The following DYNC2H1 variants were observed in gnomAD, a reference collection of about 807,000 sequenced individuals.
DYNC2H1 encodes cytoplasmic dynein 2 heavy chain 1.
Under a neutral mutation model 570.0 loss-of-function variants are expected in DYNC2H1, and 410 were observed. The ratio of observed to expected loss-of-function variants is 0.72; its 90% CI spans 0.66 to 0.78. The LOEUF (loss-of-function observed/expected upper bound fraction) is 0.78, where lower values mean the gene tolerates loss of function less well. Ranked by LOEUF, DYNC2H1 falls within the 30% of genes least tolerant of loss-of-function variation. The probability of loss-of-function intolerance (pLI) is 0.00; values close to 1 mark genes in which losing one functional copy is unlikely to be tolerated. For synonymous variants in DYNC2H1, 1,688 were observed against 1,677.6 expected (o/e 1.01, Z -0.15); for missense variants, 4,865 against 5,046.4 (o/e 0.96, Z 1.09).
At position 103,203,910 on chromosome 11, in the gene DYNC2H1, C is replaced by A. The variant is rs613978; in HGVS notation, c.8311+134C>A. On this transcript the variant is annotated intron_variant, in intron 51 of 88. Transcript: ENST00000375735. The surrounding 1 kb of genome is among the most constrained non-coding windows in gnomAD (Gnocchi z 4.7). ...TTCTGGAGCTTTTAGAAAGTAACAC[C>A]TAACTAGTGGATAGGCTAACCTATA... 0.92 allele frequency: 562,437 copies of A among 609,906 alleles called. 259,710 individuals carry two copies. The highest frequency in any genetic ancestry group is 0.94 in the Admixed American group (30,250 of 32,094). The allele number at this position is 609,906 out of a possible 1,614,324, so 37.8% of individuals were successfully genotyped here.
rs780557920 is a variant in DYNC2H1 at position 103,303,276 on chromosome 11, T to A, written c.11256+23T>A. 4.4e-6 allele frequency: 7 copies of A among 1,595,194 alleles called. No individual in the cohort carries two copies. In the African/African-American group the frequency reaches 6.7e-5, roughly 15 times the overall value. ...CAGGTAAGTACATATTGTCCCGCTG[T>A]TTTTGTTTTTGCTATTGCTGTTCCC... is the stretch of plus-strand genomic sequence containing the variant. On this transcript the variant is annotated intron_variant, in intron 76 of 88. Transcript: ENST00000375735.
chr11:103,273,083 A>C (rs1377292917), intron 70 of DYNC2H1, among the ~76,000 whole-genome samples: 6 of 151,872 alleles, frequency 4.0e-5, no homozygotes, highest in African/African-American at 1.5e-4. Flanking sequence ...TTTAAAAAAA[A>C]AACTATTCAG....
chr11:103,443,648 T>C (rs1738549156), intron 85 of DYNC2H1, among the ~76,000 whole-genome samples: 1 of 139,444 alleles, frequency 7.2e-6, no homozygotes, highest in Admixed American at 6.9e-5. Flanking sequence ...TCTATGTCAG[T>C]GATTTTGACA....
chr11:103,383,685 AG>A (rs1941761202), intron 83 of DYNC2H1, among the ~76,000 whole-genome samples: 1 of 151,988 alleles, frequency 6.6e-6, no homozygotes, highest in South Asian at 2.1e-4. Flanking sequence ...CATGTTAGCC[AG>A]GATGGTCTCC....
At chr11:103,428,309 G>GGTTC (rs58462895) in intron 84 of DYNC2H1, among the ~76,000 whole-genome samples, 83,596 of 150,954 alleles carry the variant, frequency 0.55, 23,717 homozygotes, top group East Asian at 0.71. Flanking sequence ...ACCTACCATG[G>GGTTC]TCTATATCAT....
intron 85 of DYNC2H1, among the ~76,000 whole-genome samples, chr11:103,440,420 C>G (rs887681276): frequency 5.3e-5 from 8 of 152,242 alleles, no homozygotes; most frequent in Admixed American, 2.6e-4. Flanking sequence ...GACTTGAACT[C>G]CACTCAGTTT....
intron 86 of DYNC2H1, 38 bp from the exon 87 acceptor site, chr11:103,456,237 G>C: frequency 6.6e-7 from 1 of 1,507,078 alleles, no homozygotes; most frequent in Non-Finnish European, 9.1e-7. Flanking sequence ...AATTCCTAAG[G>C]ATTATTGATT....
At chr11:103,236,857 A>G (rs1864244120) in intron 63 of DYNC2H1, among the ~76,000 whole-genome samples, 1 of 151,982 alleles carries the variant, frequency 6.6e-6, no homozygotes, top group Admixed American at 6.6e-5. Context: ...ATGAGTACAG[A>G]CTAGAATATA....
chr11:103,360,945 T>C (rs1191229631), intron 83 of DYNC2H1, among the ~76,000 whole-genome samples: 1 of 152,144 alleles, frequency 6.6e-6, no homozygotes, highest in African/African-American at 2.4e-5. Context: ...ATCCAAGATA[T>C]GAGCAATGAG....
chr11:103,320,375 C>T (rs1938111356), intron 80 of DYNC2H1, among the ~76,000 whole-genome samples: 1 of 152,080 alleles, frequency 6.6e-6, no homozygotes, highest in Non-Finnish European at 1.5e-5. Context: ...GCACTCCAGC[C>T]TGGGTGACAG....
chr11:103,143,544 G>A (rs1180373685), intron 18 of DYNC2H1, 149 bp downstream of exon 18: 2 of 753,146 alleles, frequency 2.7e-6, no homozygotes, highest in Non-Finnish European at 3.8e-6. Flanking sequence ...TCTAGGTAGG[G>A]CATTACAGAT....
At chr11:103,273,627 T>C (rs1461270460) in intron 70 of DYNC2H1, among the ~76,000 whole-genome samples, 1 of 152,240 alleles carries the variant, frequency 6.6e-6, no homozygotes, top group Non-Finnish European at 1.5e-5. Flanking sequence ...TTCTGCTTTA[T>C]AATGTTATTG....
intron 84 of DYNC2H1, among the ~76,000 whole-genome samples, chr11:103,413,258 A>ATTGT (rs1262264576): frequency 3.3e-5 from 5 of 152,144 alleles, no homozygotes; most frequent in African/African-American, 7.2e-5. Context: ...GCCTATTTTT[A>ATTGT]TTGTTTACTT....
At position 103,177,474 on chromosome 11, in the gene DYNC2H1, G is replaced by C; in HGVS notation, c.5875-82G>C. ...AATCAAAGGCTTAATTTACACATTAGAACAAGTGTTACAGAATAAAAGCAG... is the reference window on the plus strand; with the variant it reads ...AATCAAAGGCTTAATTTACACATTACAACAAGTGTTACAGAATAAAAGCAG... On this transcript the variant is annotated intron_variant, in intron 37 of 88. Transcript: ENST00000375735. The surrounding 1 kb of genome is among the most constrained non-coding windows in gnomAD (Gnocchi z 4.4). The C allele has an allele frequency of 7.1e-7, 1 of 1,402,472 alleles. No individual in the cohort carries two copies. Among genetic ancestry groups the C allele is most frequent in the Non-Finnish European group, 9.6e-7 (1 of 1,042,282 alleles). 86.9% of individuals were successfully genotyped at this position (1,402,472 alleles called of 1,614,324 possible). A position where few individuals can be genotyped will look rare whatever the true frequency, so the allele number is the denominator to read the frequency against.
rs371011047 is a variant in DYNC2H1 at position 103,120,982 on chromosome 11, G to T, written c.1306G>T (p.Glu436Ter). Reference sequence around the variant, plus strand: ...GGTAAAGCGTCCAACTATAAGCAAAGAATTGATGTTAGAAAGAGAAACTTT... The same window carrying T: ...GGTAAAGCGTCCAACTATAAGCAAATAATTGATGTTAGAAAGAGAAACTTT... ...ELVKRPTISKELMLERETLLA... is the reference protein window; with the variant it reads ...ELVKRPTISK Residue 436 changes from glutamate (E) to a stop codon, truncating the protein, a stop_gained, in exon 9 of 89, where the codon GAA (glutamate) becomes TAA (stop). Transcript: ENST00000375735. LOFTEE classifies it high-confidence loss of function. The T allele has an allele frequency of 1.0e-5, 16 of 1,589,350 alleles. No individual in the cohort carries two copies. Among genetic ancestry groups the T allele is most frequent in the East Asian group, 2.3e-5 (1 of 43,976 alleles).
rs779027715 is a variant in DYNC2H1 at position 103,261,317 on chromosome 11, C to T, written c.10695+1340C>T. 3.9e-5 allele frequency among the ~76,000 whole-genome samples: 6 copies of T among 152,180 alleles called. No homozygotes were observed. The highest frequency in any genetic ancestry group is 1.9e-4 in the East Asian group (1 of 5,172). ...CACCTGCTGGCTCTGAAGAGAGCAT[C>T]GGATCTCCAACACAGAGCTTGAGCT... On this transcript the variant is annotated intron_variant, in intron 70 of 88. Coordinates refer to ENST00000375735, the MANE Select transcript of DYNC2H1 (RefSeq NM_001377.3). The surrounding 1 kb of genome is among the most constrained non-coding windows in gnomAD (Gnocchi z 4.8).
intron 32 of DYNC2H1, 62 bp downstream of exon 32, chr11:103,169,022 G>T: frequency 7.3e-7 from 1 of 1,374,466 alleles, no homozygotes; most frequent in South Asian, 1.5e-5. Flanking sequence ...AAGAAAATTT[G>T]TTATTGGTAG....
intron 30 of DYNC2H1, among the ~76,000 whole-genome samples, chr11:103,164,610 G>C (rs1861224141): frequency 6.6e-6 from 1 of 152,170 alleles, no homozygotes; most frequent in Non-Finnish European, 1.5e-5. Context: ...GTTATCCTGA[G>C]TAGAACATTT....
rs560971194 is a variant in DYNC2H1 at position 103,348,826 on chromosome 11, G to A, written c.12040-9417G>A. 5.9e-5 allele frequency among the ~76,000 whole-genome samples: 9 copies of A among 152,218 alleles called. No individual in the cohort carries two copies. The East Asian group carries it at 7.7e-4, about 13-fold the overall frequency. The stretch of plus-strand genomic sequence containing the variant: ...TCAAGGGAGGGACCTCATGGGAGGT[G>A]ATTAGATTATGGGAGGCAGTTTCCC... On this transcript the variant is annotated intron_variant, in intron 82 of 88. Coordinates refer to ENST00000375735, the MANE Select transcript of DYNC2H1 (RefSeq NM_001377.3).
Sources: gnomAD v4.1 joint callset for allele counts (sites outside exome capture counted in the v4.1 genomes callset) on GRCh38, gnomAD v4.1.1 for gene constraint, Gnocchi (gnomAD v3.1) non-coding constraint, MANE v1.5 for transcripts, NCBI Gene and HGNC (gene_info 2026-07-23, HGNC 2026-07-21) for gene names.